Variants in P4HA3 observed in about 807,000 individuals in gnomAD.
P4HA3 encodes prolyl 4-hydroxylase subunit alpha-3.
Under a neutral mutation model 66.7 loss-of-function variants are expected in P4HA3, and 60 were observed. The observed-to-expected ratio is 0.90, with a 90% confidence interval of 0.73 to 1.12. The LOEUF (loss-of-function observed/expected upper bound fraction) is 1.12. Among genes scored for constraint, P4HA3 ranks in the 50% most tolerant of loss-of-function variants. P4HA3 has a pLI of 0.00. For missense variants in P4HA3, 683 were observed against 685.8 expected (o/e 1.00, Z 0.05); for synonymous variants, 263 against 274.6 (o/e 0.96, Z 0.42).
intron 5 of P4HA3, among the ~76,000 whole-genome samples, chr11:74,288,775 C>A (rs1860891562): frequency 6.6e-6 from 1 of 151,652 alleles, no homozygotes; most frequent in Non-Finnish European, 1.5e-5. Context: ...GTGGTGAAAC[C>A]CAGTCTCTAC....
intron 15 of P4HA3, chr11:74,252,406 G>T (rs1859723955): frequency 1.1e-5 from 5 of 454,292 alleles, no homozygotes; most frequent in Non-Finnish European, 2.2e-5. Flanking sequence ...CTAGAGCAGG[G>T]TTTTCTACAG....
In P4HA3 at chr11:74,269,667, G is replaced by A. The variant is rs752830373; in HGVS notation, c.1452C>T (p.Ser484=). The A allele has an allele frequency of 5.0e-6, 8 of 1,613,610 alleles. No individual in the cohort carries two copies. The highest frequency in any genetic ancestry group is 2.7e-5 in the African/African-American group (2 of 74,894). ...GATAFIYANL[S]VPVVRNAALF... is the part of the protein sequence containing the mutation. ...CCCCACTCACCCTAACCACAGGCAC[G>A]CTGAGGTTGGCATAGATGAAGGCTG... Residue 484 remains serine (S), a synonymous_variant, in exon 11 of 13, where the codon AGC becomes AGT. Coordinates refer to ENST00000331597, the MANE Select transcript of P4HA3 (RefSeq NM_182904.5).
At chr11:74,311,387 T>A in intron 1 of P4HA3, 25 bp downstream of exon 1, 1 of 1,477,270 alleles carries the variant, frequency 6.8e-7, no homozygotes, top group Non-Finnish European at 8.9e-7. Context: ...GGCCCCTCGG[T>A]CGCTCCCACT....
At chr11:74,278,699 A>T (rs1479864354) in intron 8 of P4HA3, among the ~76,000 whole-genome samples, 1 of 152,206 alleles carries the variant, frequency 6.6e-6, no homozygotes, top group East Asian at 1.9e-4. Flanking sequence ...AGGTTAGAGA[A>T]TAACTACTAA....
intron 1 of P4HA3, among the ~76,000 whole-genome samples, chr11:74,306,469 G>A (rs192114178): frequency 7.9e-5 from 12 of 152,088 alleles, no homozygotes; most frequent in African/African-American, 2.2e-4. Context: ...TTTCCCGCTC[G>A]TTTTAAAATT....
rs754681525 is a variant in P4HA3, at chr11:74,279,373, A to G, written c.1175+15T>C. 38 of 1,611,796 alleles carry G rather than the reference A, an allele frequency of 2.4e-5. No individual in the cohort carries two copies. In the East Asian group the frequency reaches 8.2e-4, roughly 35 times the overall value. On this transcript the variant is annotated intron_variant, in intron 8 of 12. Coordinates refer to ENST00000331597, the MANE Select transcript of P4HA3 (RefSeq NM_182904.5). ...GGGTGGGCAGCAGGTATGACCAAGG[A>G]AGGGCCCTTCTTACCTTTTGCTGAT...
chr11:74,300,243 G>A (rs1359668832), intron 3 of P4HA3, among the ~76,000 whole-genome samples: 1 of 152,180 alleles, frequency 6.6e-6, no homozygotes, highest in Non-Finnish European at 1.5e-5. Flanking sequence ...CTGAAAATAA[G>A]CTCCCAAACA....
chr11:74,309,618 A>T (rs956017562), intron 1 of P4HA3, among the ~76,000 whole-genome samples: 1 of 152,342 alleles, frequency 6.6e-6, no homozygotes, highest in East Asian at 1.9e-4. Context: ...TTGGACTCCA[A>T]TGACTCTGGG....
intron 9 of P4HA3, among the ~76,000 whole-genome samples, chr11:74,276,139 G>A (rs1163453960): frequency 6.6e-6 from 1 of 152,130 alleles, no homozygotes. Flanking sequence ...AACAAACACT[G>A]GAAACTGCAA....
intron 14 of P4HA3, among the ~76,000 whole-genome samples, chr11:74,261,343 T>C (rs1371206948): frequency 6.6e-6 from 1 of 151,232 alleles, no homozygotes; most frequent in Non-Finnish European, 1.5e-5. Context: ...ATTCACAGTA[T>C]AAAAAAAAAT....
At chr11:74,268,945 G>T (rs1055396745) in intron 11 of P4HA3, among the ~76,000 whole-genome samples, 1 of 152,120 alleles carries the variant, frequency 6.6e-6, no homozygotes, top group Non-Finnish European at 1.5e-5. Context: ...GGATGCATTG[G>T]CAGTCTCTAT....
At position 74,266,758 on chromosome 11, in the gene P4HA3, C is replaced by A. The variant is rs139258022; in HGVS notation, c.*490G>T. On this transcript the variant is annotated 3_prime_UTR_variant, in exon 13 of 13. Coordinates refer to ENST00000331597, the MANE Select transcript of P4HA3 (RefSeq NM_182904.5). The stretch of plus-strand genomic sequence containing the variant: ...AAAAATCCTTATATAATGTACCACT[C>A]ATCTGGGATATGCTTCTGGGAGGGG... 1.1e-3 allele frequency: 416 copies of A among 389,470 alleles called. 6 individuals carry two copies. In the East Asian group the frequency reaches 0.017, roughly 16 times the overall value. 24.1% of individuals were successfully genotyped at this position (389,470 alleles called of 1,614,324 possible).
At chr11:74,256,311 A>G (rs540595460) in intron 15 of P4HA3, among the ~76,000 whole-genome samples, 1 of 152,302 alleles carries the variant, frequency 6.6e-6, no homozygotes, top group South Asian at 2.1e-4. Context: ...GGAGGCTGAG[A>G]ATGAATGAAA....
Position 74,277,128 on chromosome 11 carries a change from T to C in P4HA3, c.1192A>G (p.Thr398Ala), listed in dbSNP as rs751108095. 1.2e-5 allele frequency: 20 copies of C among 1,613,692 alleles called. No homozygotes were observed. The highest frequency in any genetic ancestry group is 5.0e-5 in the Admixed American group (3 of 59,952). The change falls in exon 9 of 13, where the codon ACT (threonine) becomes GCT (alanine). Residue 398 changes from threonine to alanine, a missense_variant. Physicochemically the swap from Thr to Ala is moderately conservative, Grantham distance 58. Transcript: ENST00000331597. ...AGGGTCACCAGTTTTGGGTCAACAGTGTCCTTCAGCCAGGCACTAAAACAC... is the reference window on the plus strand; with the variant it reads ...AGGGTCACCAGTTTTGGGTCAACAGCGTCCTTCAGCCAGGCACTAAAACAC... ...RISKSAWLKD[T>A]VDPKLVTLNH...
At chr11:74,251,725 G>T in intron 15 of P4HA3, 1 of 1,613,908 alleles carries the variant, frequency 6.2e-7, no homozygotes, top group Non-Finnish European at 8.5e-7. Flanking sequence ...GGTAAGGCGG[G>T]TACAAGGGTT....
chr11:74,282,152 A>AT (rs1417771619), intron 7 of P4HA3, among the ~76,000 whole-genome samples: 2 of 150,802 alleles, frequency 1.3e-5, no homozygotes, highest in Non-Finnish European at 3.0e-5. Context: ...ACAAAAAAAA[A>AT]CCCTAAGGAA....
At chr11:74,255,583 T>C (rs1859813246) in intron 15 of P4HA3, among the ~76,000 whole-genome samples, 1 of 151,830 alleles carries the variant, frequency 6.6e-6, no homozygotes, top group Non-Finnish European at 1.5e-5. Context: ...GTCTTGAGGA[T>C]TATACAAGTT....
chr11:74,262,895 C>G (rs1475968276), downstream of P4HA3, among the ~76,000 whole-genome samples: 1 of 152,238 alleles, frequency 6.6e-6, no homozygotes, highest in Admixed American at 6.5e-5. Context: ...CCCCCAGAAT[C>G]AACACCCTCT....
intron 15 of P4HA3, chr11:74,251,322 A>G (rs1859653987): frequency 2.2e-6 from 3 of 1,363,926 alleles, no homozygotes; most frequent in Non-Finnish European, 1.9e-6. Flanking sequence ...TGATTAGGGT[A>G]GAAACTGCTC....
Sources: allele counts gnomAD v4.1 joint callset (sites outside exome capture counted in the v4.1 genomes callset), GRCh38; gene constraint gnomAD v4.1.1; transcripts MANE v1.5; gene names NCBI Gene and HGNC (gene_info 2026-07-23, HGNC 2026-07-21).